PTPRD: variants seen among roughly 807,000 people sequenced by gnomAD.
PTPRD encodes the protein protein tyrosine phosphatase receptor type D, also known as receptor-type tyrosine-protein phosphatase delta.
A neutral mutation model predicts 214.5 loss-of-function variants in PTPRD; 34 were observed. That is an observed-to-expected ratio of 0.16 (90% confidence interval 0.12 to 0.21). PTPRD has a LOEUF of 0.21. Ranked by LOEUF, PTPRD falls within the 10% of genes least tolerant of loss-of-function variation. The pLI, the probability that PTPRD is intolerant of heterozygous loss-of-function variation, is 1.00. For synonymous variants in PTPRD, 1,128 were observed against 845.7 expected, an observed-to-expected ratio of 1.33 and a Z score of -5.79; for missense variants, 2,545 against 2,398.7, an observed-to-expected ratio of 1.06 and a Z score of -1.27.
intron 14 of PTPRD, among the ~76,000 whole-genome samples, chr9:8,557,092 C>A (rs1161054532): frequency 6.6e-6 from 1 of 151,946 alleles, no homozygotes; most frequent in South Asian, 2.1e-4. Context: ...GAAGGAGTGC[C>A]CATTCAGAGA....
chr9:9,506,003 A>C (rs1457140360), intron 8 of PTPRD, among the ~76,000 whole-genome samples: 1 of 151,406 alleles, frequency 6.6e-6, no homozygotes, highest in Admixed American at 6.6e-5. Flanking sequence ...CTAAGGACAC[A>C]GGTCTGATTT....
At chr9:8,821,180 A>G (rs2097054021) in intron 11 of PTPRD, among the ~76,000 whole-genome samples, 1 of 152,228 alleles carries the variant, frequency 6.6e-6, no homozygotes. Context: ...GTAGTGAGAA[A>G]AAGGAAACAA....
At chr9:9,878,344 G>T (rs962391300) in intron 5 of PTPRD, among the ~76,000 whole-genome samples, 1 of 152,092 alleles carries the variant, frequency 6.6e-6, no homozygotes, top group African/African-American at 2.4e-5. Flanking sequence ...GTGGAAGTGT[G>T]AGTGGACCTA....
intron 2 of PTPRD, among the ~76,000 whole-genome samples, chr9:10,433,014 GCTC>G (rs1357775552): frequency 6.6e-6 from 1 of 151,662 alleles, no homozygotes; most frequent in African/African-American, 2.4e-5. Context: ...TACTAATATA[GCTC>G]CTCCTTTTTT....
chr9:10,223,829 A>G lies in PTPRD; in HGVS notation c.-545+117134T>C, dbSNP rs532884572. Among the ~76,000 whole-genome samples, 182 of 151,458 alleles carry G rather than the reference A, an allele frequency of 1.2e-3. 3 individuals carry two copies. Among genetic ancestry groups the G allele is most frequent in the South Asian group, 1.7e-3 (8 of 4,802 alleles). ...ATAATAGCTTCCATATACACAAAACATGCTTTTGCAAATCCTGGAAAAGTG... is the reference window on the plus strand; with the variant it reads ...ATAATAGCTTCCATATACACAAAACGTGCTTTTGCAAATCCTGGAAAAGTG... On this transcript the variant is annotated intron_variant, in intron 3 of 45. Transcript: ENST00000381196.
At chr9:9,628,972 G>C (rs1037782368) in intron 7 of PTPRD, among the ~76,000 whole-genome samples, 2 of 151,780 alleles carry the variant, frequency 1.3e-5, no homozygotes, top group African/African-American at 4.8e-5. Context: ...ATGAGTTTGA[G>C]ACCAGCCTGA....
At chr9:10,325,082 T>C (rs1329130315) in intron 3 of PTPRD, among the ~76,000 whole-genome samples, 2 of 152,040 alleles carry the variant, frequency 1.3e-5, no homozygotes, top group African/African-American at 4.8e-5. Flanking sequence ...TTTCACCTCC[T>C]CCCCAATCTA....
intron 11 of PTPRD, among the ~76,000 whole-genome samples, chr9:8,776,750 G>C (rs1048093762): frequency 6.7e-6 from 1 of 148,756 alleles, no homozygotes; most frequent in Non-Finnish European, 1.5e-5. Context: ...TTTAGAATAG[G>C]CTATTTTTTT....
intron 9 of PTPRD, among the ~76,000 whole-genome samples, chr9:9,193,519 T>C (rs566999694): frequency 6.6e-6 from 1 of 152,186 alleles, no homozygotes; most frequent in Non-Finnish European, 1.5e-5. Context: ...TTAGGTGGTA[T>C]AGCCTACTAC....
intron 11 of PTPRD, among the ~76,000 whole-genome samples, chr9:8,825,477 A>AT (rs776081938): frequency 1.3e-5 from 2 of 152,154 alleles, no homozygotes; most frequent in Non-Finnish European, 2.9e-5. Flanking sequence ...TATGCTCTAA[A>AT]TTTTTTTATA....
intron 9 of PTPRD, among the ~76,000 whole-genome samples, chr9:9,246,236 A>G (rs1390447897): frequency 2.0e-5 from 3 of 152,010 alleles, no homozygotes. Flanking sequence ...GAATGTTTTT[A>G]GTGTCCTCCG....
chr9:8,788,177 A>C (rs2096068598), intron 11 of PTPRD, among the ~76,000 whole-genome samples: 1 of 152,154 alleles, frequency 6.6e-6, no homozygotes, highest in Non-Finnish European at 1.5e-5. Context: ...CTAAATTAAG[A>C]AAGCAAAAAA....
intron 22 of PTPRD, among the ~76,000 whole-genome samples, 157 bp downstream of exon 22, chr9:8,507,144 G>C (rs751924900): frequency 4.6e-5 from 7 of 151,924 alleles, no homozygotes; most frequent in Non-Finnish European, 1.0e-4. Context: ...GTTTTTCTTG[G>C]GGGGGAGGGG....
chr9:10,529,939 C>A (rs1245111911), intron 2 of PTPRD, among the ~76,000 whole-genome samples: 1 of 151,858 alleles, frequency 6.6e-6, no homozygotes, highest in East Asian at 1.9e-4. Context: ...AGCATTAAGA[C>A]AAATACCTAA....
chr9:10,171,195 T>C (rs910914282), intron 3 of PTPRD, among the ~76,000 whole-genome samples: 1 of 152,228 alleles, frequency 6.6e-6, no homozygotes, highest in African/African-American at 2.4e-5. Flanking sequence ...ATACTCATTT[T>C]ACCCATTGAT....
chr9:9,085,391 A>T (rs1377449115), intron 10 of PTPRD, among the ~76,000 whole-genome samples: 2 of 152,146 alleles, frequency 1.3e-5, no homozygotes, highest in African/African-American at 4.8e-5. Flanking sequence ...CAGCATGCAA[A>T]TTCTTCTTTC....
intron 8 of PTPRD, among the ~76,000 whole-genome samples, chr9:9,519,552 G>A (rs922332340): frequency 6.6e-6 from 1 of 151,862 alleles, no homozygotes; most frequent in African/African-American, 2.4e-5. Flanking sequence ...AATACAAAAG[G>A]ATCGTATGAA....
Position 8,928,023 on chromosome 9 carries a change from C to CATA in PTPRD, c.-104+90671_-104+90673dup, listed in dbSNP as rs1253113779. Among the ~76,000 whole-genome samples the CATA allele has an allele frequency of 3.3e-5, 5 of 152,254 alleles. No individual in the cohort carries two copies. In the East Asian group the frequency reaches 9.7e-4, roughly 29 times the overall value. On this transcript the variant is annotated intron_variant, in intron 11 of 45. Transcript: ENST00000381196. ...TGTCTTCTTTTGAGGAGCGTCTGTT[C>CATA]ATATCCTTCGCCCACTTTTTGATGA...
chr9:8,415,945 A>G (rs976768206), intron 35 of PTPRD, among the ~76,000 whole-genome samples: 2 of 152,136 alleles, frequency 1.3e-5, no homozygotes, highest in African/African-American at 4.8e-5. Context: ...AAGGTCTGGA[A>G]GCCTGTCTTG....
Sources: allele counts gnomAD v4.1 joint callset (sites outside exome capture counted in the v4.1 genomes callset), GRCh38; gene constraint gnomAD v4.1.1; transcripts MANE v1.5; gene names NCBI Gene and HGNC (gene_info 2026-07-23, HGNC 2026-07-21).